Variants in CD2AP observed in about 807,000 individuals in gnomAD.
The protein encoded by CD2AP is CD2 associated protein.
In CD2AP, 46 loss-of-function variants were observed where a neutral mutation model predicts 85.1. That is an observed-to-expected ratio of 0.54 (90% CI 0.43 to 0.69). The LOEUF is 0.69. CD2AP is among the 30% of genes least tolerant of loss of function. CD2AP has a pLI of 0.00. For synonymous variants in CD2AP, 255 were observed against 252.9 expected, an observed-to-expected ratio of 1.01 and a Z score of -0.08; for missense variants, 769 against 729.5, an observed-to-expected ratio of 1.05 and a Z score of -0.62.
intron 10 of CD2AP, among the ~76,000 whole-genome samples, 170 bp downstream of exon 10, chr6:47,581,070 T>C (rs971143014): frequency 6.6e-6 from 1 of 152,198 alleles, no homozygotes; most frequent in African/African-American, 2.4e-5. Context: ...CTGTCATTTT[T>C]CTTAAAGTAC....
At chr6:47,588,015 A>G (rs1768677243) in intron 11 of CD2AP, among the ~76,000 whole-genome samples, 1 of 152,030 alleles carries the variant, frequency 6.6e-6, no homozygotes, top group Non-Finnish European at 1.5e-5. Context: ...ATTTATTTAC[A>G]TTTATTGCTT....
chr6:47,488,706 G>A (rs1039772536), intron 1 of CD2AP, among the ~76,000 whole-genome samples: 1 of 131,056 alleles, frequency 7.6e-6, no homozygotes, highest in African/African-American at 2.9e-5. Flanking sequence ...GGGCAACAAA[G>A]CAAGACTCCA....
Position 47,624,333 on chromosome 6 carries a change from T to A in CD2AP, c.*106T>A. 1.2e-6 allele frequency: 1 copy of A among 846,424 alleles called. No homozygotes were observed. Among genetic ancestry groups the A allele is most frequent in the Non-Finnish European group, 2.0e-6 (1 of 493,990 alleles). 52.4% of individuals were successfully genotyped at this position (846,424 alleles called of 1,614,324 possible). ...TTGTGAATTCTGTTGTTGTGATAAATATGAGCAAATGAAGTGTAATATCTA... is the reference window on the plus strand; with the variant it reads ...TTGTGAATTCTGTTGTTGTGATAAAAATGAGCAAATGAAGTGTAATATCTA... On this transcript the variant is annotated 3_prime_UTR_variant, in exon 18 of 18. Transcript: ENST00000359314.
intron 1 of CD2AP, among the ~76,000 whole-genome samples, chr6:47,494,780 A>C (rs1765816341): frequency 6.6e-6 from 1 of 152,212 alleles, no homozygotes. Flanking sequence ...ATTACCATTT[A>C]AGTGTTTGTA....
chr6:47,544,590 A>G lies in CD2AP; in HGVS notation c.320-16A>G. On this transcript the variant is annotated splice_polypyrimidine_tract_variant and intron_variant, in intron 3 of 17. Transcript: ENST00000359314. ...ATCATTCTTAATCTAATTTCTTATTATGTTACTTTCTTTAGAGACCAAGAA... is the reference window on the plus strand; with the variant it reads ...ATCATTCTTAATCTAATTTCTTATTGTGTTACTTTCTTTAGAGACCAAGAA... 1 of 1,474,830 alleles carries G rather than the reference A, an allele frequency of 6.8e-7. No homozygotes were observed. The highest frequency in any genetic ancestry group is 9.5e-7 in the Non-Finnish European group (1 of 1,053,800). 91.4% of individuals were successfully genotyped at this position (1,474,830 alleles called of 1,614,324 possible). A position where few individuals can be genotyped will look rare whatever the true frequency, so the allele number is the denominator to read the frequency against.
intron 1 of CD2AP, among the ~76,000 whole-genome samples, chr6:47,482,375 T>C (rs1765467152): frequency 1.3e-5 from 2 of 151,314 alleles, no homozygotes; most frequent in South Asian, 4.2e-4. Flanking sequence ...CTTTGTTTTT[T>C]TTGTCTTTTT....
intron 1 of CD2AP, among the ~76,000 whole-genome samples, chr6:47,501,490 G>T (rs766393140): frequency 1.3e-5 from 2 of 152,148 alleles, no homozygotes; most frequent in African/African-American, 2.4e-5. Flanking sequence ...GAGAATCTTC[G>T]CCTGTAAAGT....
intron 13 of CD2AP, among the ~76,000 whole-genome samples, chr6:47,604,910 T>C (rs1769229144): frequency 6.6e-6 from 1 of 151,986 alleles, no homozygotes; most frequent in Non-Finnish European, 1.5e-5. Flanking sequence ...TAGAAAAAAT[T>C]ATCAGCAAAT....
intron 3 of CD2AP, among the ~76,000 whole-genome samples, chr6:47,539,085 A>G (rs1196453459): frequency 6.6e-6 from 1 of 152,198 alleles, no homozygotes; most frequent in Non-Finnish European, 1.5e-5. Context: ...AAAGCTGGGT[A>G]TGGAGGATGA....
At chr6:47,518,002 TC>T (rs971638176) in intron 2 of CD2AP, among the ~76,000 whole-genome samples, 11 of 152,310 alleles carry the variant, frequency 7.2e-5, no homozygotes, top group African/African-American at 2.6e-4. Flanking sequence ...TGTCAGTTTA[TC>T]CCCCTAGGTA....
chr6:47,487,612 C>G (rs1447854439), intron 1 of CD2AP, among the ~76,000 whole-genome samples: 2 of 152,128 alleles, frequency 1.3e-5, no homozygotes, highest in Non-Finnish European at 2.9e-5. Flanking sequence ...ATGGCATGAA[C>G]CCGGGAGGTG....
chr6:47,478,269 C>G lies in CD2AP; in HGVS notation c.4+21C>G, dbSNP rs781225870. The G allele has an allele frequency of 2.7e-5, 42 of 1,567,864 alleles. No homozygotes were observed. In the Admixed American group the frequency reaches 7.9e-4, roughly 30 times the overall value. ...CATGGGTAAGAGACTCGGGCGCTTC[C>G]CGCCGCCCGTCCGGACCTTCCAGAC... On this transcript the variant is annotated intron_variant, in intron 1 of 17. Transcript: ENST00000359314.
At chr6:47,594,211 T>A (rs577344618) in intron 11 of CD2AP, among the ~76,000 whole-genome samples, 1 of 152,208 alleles carries the variant, frequency 6.6e-6, no homozygotes, top group Non-Finnish European at 1.5e-5. Flanking sequence ...TTGCGTAACA[T>A]CGTGAATGTA....
At chr6:47,492,568 A>G (rs1219306572) in intron 1 of CD2AP, among the ~76,000 whole-genome samples, 1 of 149,408 alleles carries the variant, frequency 6.7e-6, no homozygotes, top group Admixed American at 6.6e-5. Flanking sequence ...CTGGCCTTGA[A>G]CTCCTGGCCT....
chr6:47,487,683 C>CT (rs1342855720), intron 1 of CD2AP, among the ~76,000 whole-genome samples: 1 of 146,998 alleles, frequency 6.8e-6, no homozygotes, highest in Non-Finnish European at 1.5e-5. Flanking sequence ...GAGCGAGACT[C>CT]TGTCTCAAAA....
intron 7 of CD2AP, among the ~76,000 whole-genome samples, 177 bp from the exon 8 acceptor site, chr6:47,576,832 G>C (rs1768327053): frequency 6.6e-6 from 1 of 151,940 alleles, no homozygotes; most frequent in Non-Finnish European, 1.5e-5. Flanking sequence ...TTGAATGAAT[G>C]GATTAATGAA....
At chr6:47,566,990 C>A (rs1259739685) in intron 5 of CD2AP, among the ~76,000 whole-genome samples, 1 of 151,950 alleles carries the variant, frequency 6.6e-6, no homozygotes, top group Non-Finnish European at 1.5e-5. Context: ...AGATTAATGT[C>A]ACTCCCATTT....
At chr6:47,593,967 G>T (rs2114127505) in intron 11 of CD2AP, among the ~76,000 whole-genome samples, 1 of 152,088 alleles carries the variant, frequency 6.6e-6, no homozygotes, top group South Asian at 2.1e-4. Flanking sequence ...TCACAAAAAG[G>T]AATGAAATAC....
intron 1 of CD2AP, among the ~76,000 whole-genome samples, chr6:47,496,778 ATAAT>A (rs1291351359): frequency 6.6e-6 from 1 of 152,218 alleles, no homozygotes; most frequent in Non-Finnish European, 1.5e-5. Context: ...ATCTTTCTAA[ATAAT>A]TAGTTTCTGT....
Sources: gnomAD v4.1 joint callset for allele counts (sites outside exome capture counted in the v4.1 genomes callset) on GRCh38, gnomAD v4.1.1 for gene constraint, MANE v1.5 for transcripts, NCBI Gene and HGNC (gene_info 2026-07-23, HGNC 2026-07-21) for gene names.